Variants in OLFM2 observed in about 807,000 individuals in gnomAD.
The protein encoded by OLFM2 is olfactomedin 2, also known as noelin-2.
OLFM2 carries 20 observed loss-of-function variants against 43.9 expected under a neutral mutation model. The observed-to-expected ratio is 0.46, with a 90% CI of 0.32 to 0.66. The LOEUF (loss-of-function observed/expected upper bound fraction) is 0.66. OLFM2 is among the 30% of genes least tolerant of loss of function. The probability of loss-of-function intolerance (pLI) is 0.04; values close to 1 mark genes in which losing one functional copy is unlikely to be tolerated. For missense variants in OLFM2, 416 were observed against 643.6 expected (o/e 0.65, Z 3.83); for synonymous variants, 268 against 278.6 (o/e 0.96, Z 0.38).
chr19:9,929,175 C>T (rs2086469275), intron 1 of OLFM2, among the ~76,000 whole-genome samples: 1 of 152,172 alleles, frequency 6.6e-6, no homozygotes, highest in Admixed American at 6.6e-5. Flanking sequence ...TTTCCCAACA[C>T]AGCCAGACTC....
intron 1 of OLFM2, among the ~76,000 whole-genome samples, chr19:9,888,910 T>C (rs967000120): frequency 6.6e-6 from 1 of 151,642 alleles, no homozygotes; most frequent in Non-Finnish European, 1.5e-5. Flanking sequence ...ACTAAAAATG[T>C]AAAAAATTAG....
intron 5 of OLFM2, among the ~76,000 whole-genome samples, chr19:9,855,464 C>G (rs1223713210): frequency 1.3e-5 from 2 of 152,072 alleles, no homozygotes; most frequent in Non-Finnish European, 2.9e-5. Flanking sequence ...TGGTCTCAAA[C>G]TCCCGACCTT....
rs114966043 is a variant in OLFM2, at chr19:9,916,967, C to T, written c.63+19337G>A. Among the ~76,000 whole-genome samples, 1,118 of 152,196 alleles carry T rather than the reference C, an allele frequency of 7.3e-3. 15 individuals are homozygous for T. The highest frequency in any genetic ancestry group is 0.026 in the African/African-American group (1,065 of 41,498). On this transcript the variant is annotated intron_variant, in intron 1 of 5. Transcript: ENST00000264833. ...TCTGCACCCACCTCTCTGGCTGTGC[C>T]GTCGCTGTCTCCTGCTACTCCCTAA...
At chr19:9,875,139 G>C (rs1330415202) in intron 1 of OLFM2, among the ~76,000 whole-genome samples, 3 of 152,204 alleles carry the variant, frequency 2.0e-5, no homozygotes, top group Admixed American at 1.3e-4. Context: ...CTTTCAGAAA[G>C]ATTTGTTTTT....
At chr19:9,929,624 A>T (rs150608175) in intron 1 of OLFM2, among the ~76,000 whole-genome samples, 1 of 124,578 alleles carries the variant, frequency 8.0e-6, no homozygotes, top group Non-Finnish European at 1.7e-5. Context: ...ATAAAATAAA[A>T]TAAATGAATA....
intron 1 of OLFM2, among the ~76,000 whole-genome samples, chr19:9,897,831 T>C (rs2046699795): frequency 1.3e-5 from 2 of 152,120 alleles, no homozygotes; most frequent in Non-Finnish European, 2.9e-5. Context: ...GTTCGGATCA[T>C]TGTTACTTCC....
At chr19:9,916,569 A>C (rs1422408671) in intron 1 of OLFM2, among the ~76,000 whole-genome samples, 1 of 152,118 alleles carries the variant, frequency 6.6e-6, no homozygotes, top group Non-Finnish European at 1.5e-5. Flanking sequence ...AGGTTTTGAA[A>C]CCAGGACTGT....
intron 1 of OLFM2, among the ~76,000 whole-genome samples, chr19:9,919,663 G>A (rs755054406): frequency 6.8e-6 from 1 of 146,882 alleles, no homozygotes; most frequent in Non-Finnish European, 1.5e-5. Context: ...TGTATTTTTA[G>A]TAGAGATAGC....
At chr19:9,860,302 AC>A (rs1422705706) in intron 2 of OLFM2, among the ~76,000 whole-genome samples, 1 of 151,642 alleles carries the variant, frequency 6.6e-6, no homozygotes, top group African/African-American at 2.4e-5. Flanking sequence ...ACATAGGGAG[AC>A]CCCGTCTCCA....
At chr19:9,883,764 C>T (rs1057163799) in intron 1 of OLFM2, among the ~76,000 whole-genome samples, 3 of 152,162 alleles carry the variant, frequency 2.0e-5, no homozygotes, top group Non-Finnish European at 4.4e-5. Flanking sequence ...CCAGTTTAGT[C>T]AAGCATTGCC....
chr19:9,854,075 G>A lies in OLFM2; in HGVS notation c.*111C>T. 1.0e-6 allele frequency: 1 copy of A among 962,346 alleles called. No homozygotes were observed. The highest frequency in any genetic ancestry group is 1.6e-6 in the Non-Finnish European group (1 of 637,536). 59.6% of individuals were successfully genotyped at this position (962,346 alleles called of 1,614,324 possible). ...CAAAAGCCCAGCAAAAAGGCGGGGA[G>A]AAAGGGCGTGACAGAGACAGAGAGA... On this transcript the variant is annotated 3_prime_UTR_variant, in exon 6 of 6. Coordinates refer to ENST00000264833, the MANE Select transcript of OLFM2 (RefSeq NM_058164.4). The surrounding 1 kb of genome is among the most constrained non-coding windows in gnomAD (Gnocchi z 9.5).
chr19:9,892,116 C>T (rs10416090), intron 1 of OLFM2, among the ~76,000 whole-genome samples: 78,960 of 151,728 alleles, frequency 0.52, 21,072 homozygotes, highest in Admixed American at 0.61. Context: ...GTGGTCTGTA[C>T]GTGTGTGTGC....
chr19:9,855,733 G>A (rs1487651759), intron 5 of OLFM2, among the ~76,000 whole-genome samples: 3 of 151,222 alleles, frequency 2.0e-5, no homozygotes, highest in South Asian at 2.1e-4. Context: ...ACAAGGTCTC[G>A]CAATGTTGCC....
At chr19:9,927,873 A>G (rs1461288437) in intron 1 of OLFM2, among the ~76,000 whole-genome samples, 4 of 151,660 alleles carry the variant, frequency 2.6e-5, no homozygotes, top group Non-Finnish European at 5.9e-5. Flanking sequence ...ACCAGCCTGA[A>G]CAATATTGTG....
rs1253447110 is a variant in OLFM2, at chr19:9,854,887, T to TG, written c.688-25dup. 6.5e-6 allele frequency: 10 copies of TG among 1,532,166 alleles called. No homozygotes were observed. Among genetic ancestry groups the TG allele is most frequent in the African/African-American group, 5.5e-5 (4 of 72,970 alleles). The allele number at this position is 1,532,166 out of a possible 1,614,324, so 94.9% of individuals were successfully genotyped here. ...ACCTATGGTAGCAGCCGCTGGTCAC[T>TG]GGGGGGAACCACCACCAACGACCCA... On this transcript the variant is annotated intron_variant, in intron 5 of 5. Coordinates refer to ENST00000264833, the MANE Select transcript of OLFM2 (RefSeq NM_058164.4). The surrounding 1 kb of genome is among the most constrained non-coding windows in gnomAD (Gnocchi z 9.5).
chr19:9,868,604 C>T (rs1178905793), intron 1 of OLFM2, among the ~76,000 whole-genome samples: 1 of 152,122 alleles, frequency 6.6e-6, no homozygotes, highest in Non-Finnish European at 1.5e-5. Context: ...TTAAATTTAT[C>T]TTATTTTCCA....
At chr19:9,882,999 G>T (rs932946087) in intron 1 of OLFM2, among the ~76,000 whole-genome samples, 9 of 151,064 alleles carry the variant, frequency 6.0e-5, no homozygotes, top group Non-Finnish European at 1.3e-4. Context: ...AGGAGGTCGA[G>T]ACCAGCCTGG....
chr19:9,857,677 A>G lies in OLFM2; in HGVS notation c.360+38T>C, dbSNP rs780926644. The G allele has an allele frequency of 1.9e-6, 3 of 1,614,000 alleles. No individual in the cohort carries two copies. The highest frequency in any genetic ancestry group is 1.7e-5 in the Admixed American group (1 of 60,014). On this transcript the variant is annotated intron_variant, in intron 3 of 5. Transcript: ENST00000264833. This position sits in a 1 kb window ranked among gnomAD's most constrained non-coding sequence, Gnocchi z 5.7. ...AACTAATGGATACCAAATCCCAGTC[A>G]TTTGTTTGACCTCTGGTCTGGACAC...
At chr19:9,867,444 G>C (rs925396059) in intron 1 of OLFM2, among the ~76,000 whole-genome samples, 1 of 152,102 alleles carries the variant, frequency 6.6e-6, no homozygotes, top group African/African-American at 2.4e-5. Context: ...ATTGCTACAG[G>C]GTCCTGGGGA....
Sources: allele counts gnomAD v4.1 joint callset (sites outside exome capture counted in the v4.1 genomes callset), GRCh38; gene constraint gnomAD v4.1.1; non-coding constraint Gnocchi (gnomAD v3.1); transcripts MANE v1.5; gene names NCBI Gene and HGNC (gene_info 2026-07-23, HGNC 2026-07-21).